The following MMP16 variants were observed in gnomAD, a reference collection of about 807,000 sequenced individuals.
MMP16 encodes matrix metallopeptidase 16.
MMP16 carries 12 observed loss-of-function variants against 67.8 expected under a neutral mutation model. The observed-to-expected ratio is 0.18, with a 90% CI of 0.11 to 0.29. The LOEUF is 0.29. Ranked by LOEUF, MMP16 falls within the 10% of genes least tolerant of loss-of-function variation. MMP16 has a pLI of 1.00. For missense variants in MMP16, 475 were observed against 765.7 expected, an observed-to-expected ratio of 0.62 and a Z score of 4.48; for synonymous variants, 249 against 255.9, an observed-to-expected ratio of 0.97 and a Z score of 0.26.
At chr8:88,104,220 C>A (rs1191568600) in intron 6 of MMP16, among the ~76,000 whole-genome samples, 4 of 151,622 alleles carry the variant, frequency 2.6e-5, no homozygotes, top group African/African-American at 9.7e-5. Flanking sequence ...CAAGATTTGT[C>A]TATCTTTTCT....
chr8:88,310,875 C>G (rs1161421862), intron 1 of MMP16, among the ~76,000 whole-genome samples: 1 of 152,088 alleles, frequency 6.6e-6, no homozygotes, highest in African/African-American at 2.4e-5. Flanking sequence ...AAGACCAAAA[C>G]TCAAAGGCAC....
intron 4 of MMP16, among the ~76,000 whole-genome samples, chr8:88,120,072 A>G (rs1002561683): frequency 5.3e-5 from 8 of 152,006 alleles, no homozygotes; most frequent in Admixed American, 1.3e-4. Context: ...TGACATTAGC[A>G]TAGCAAAAAT....
intron 1 of MMP16, among the ~76,000 whole-genome samples, chr8:88,220,949 C>T (rs2129845328): frequency 6.6e-6 from 1 of 152,232 alleles, no homozygotes; most frequent in Middle Eastern, 3.4e-3. Context: ...TTGTCTAAAA[C>T]TCATGGAAGG....
intron 7 of MMP16, among the ~76,000 whole-genome samples, chr8:88,072,850 A>G (rs1808582934): frequency 6.6e-6 from 1 of 152,148 alleles, no homozygotes; most frequent in Admixed American, 6.6e-5. Flanking sequence ...AGAAGGTACT[A>G]CTTACATAGG....
At chr8:88,090,619 GTC>G in intron 6 of MMP16, among the ~76,000 whole-genome samples, 1 of 151,374 alleles carries the variant, frequency 6.6e-6, no homozygotes, top group Non-Finnish European at 1.5e-5. Context: ...ACTAAAAATT[GTC>G]AATTCTTTGA....
At chr8:88,111,662 A>G (rs150654528) in intron 6 of MMP16, among the ~76,000 whole-genome samples, 88 of 151,846 alleles carry the variant, frequency 5.8e-4, no homozygotes, top group South Asian at 1.7e-3. Context: ...GTATGATTTG[A>G]TGCATTGTTT....
intron 4 of MMP16, among the ~76,000 whole-genome samples, chr8:88,134,430 A>G (rs1232251463): frequency 6.6e-6 from 1 of 151,742 alleles, no homozygotes; most frequent in Non-Finnish European, 1.5e-5. Context: ...CCTAGAACAG[A>G]TCTTCCCAAG....
At chr8:88,257,330 A>G (rs1810319349) in intron 1 of MMP16, among the ~76,000 whole-genome samples, 1 of 152,222 alleles carries the variant, frequency 6.6e-6, no homozygotes, top group Non-Finnish European at 1.5e-5. Context: ...TACAAGGTAG[A>G]GTAGAGTAGA....
intron 4 of MMP16, among the ~76,000 whole-genome samples, chr8:88,148,503 G>T (rs1045343885): frequency 6.6e-6 from 1 of 152,164 alleles, no homozygotes; most frequent in Admixed American, 6.5e-5. Flanking sequence ...GTGTATGTAT[G>T]TGTATCATTT....
At chr8:88,178,112 A>G (rs1808922828) in intron 3 of MMP16, among the ~76,000 whole-genome samples, 1 of 152,144 alleles carries the variant, frequency 6.6e-6, no homozygotes, top group Admixed American at 6.5e-5. Flanking sequence ...AAGGCTTATT[A>G]CCTCATTTCC....
intron 9 of MMP16, among the ~76,000 whole-genome samples, chr8:88,042,295 T>A (rs907917127): frequency 6.6e-6 from 1 of 152,154 alleles, no homozygotes; most frequent in African/African-American, 2.4e-5. Context: ...TTTCTAATCA[T>A]CTTAGTATCA....
chr8:88,316,405 A>C (rs1001239859), intron 1 of MMP16, among the ~76,000 whole-genome samples: 9 of 152,172 alleles, frequency 5.9e-5, no homozygotes, highest in Admixed American at 5.2e-4. Flanking sequence ...GCAGCTGGCA[A>C]CTTTAAGTTG....
intron 7 of MMP16, among the ~76,000 whole-genome samples, chr8:88,059,376 GTGTAGTC>G (rs1808368675): frequency 6.6e-6 from 1 of 152,060 alleles, no homozygotes; most frequent in Non-Finnish European, 1.5e-5. Flanking sequence ...AAAGAAAAAA[GTGTAGTC>G]ATAAATGACT....
At chr8:88,239,503 C>G (rs1810001371) in intron 1 of MMP16, among the ~76,000 whole-genome samples, 1 of 148,302 alleles carries the variant, frequency 6.7e-6, no homozygotes, top group Non-Finnish European at 1.5e-5. Flanking sequence ...ACCGTAAGTT[C>G]TCTGGAAATA....
At chr8:88,304,727 C>A (rs539981773) in intron 1 of MMP16, among the ~76,000 whole-genome samples, 5 of 152,182 alleles carry the variant, frequency 3.3e-5, no homozygotes, top group Non-Finnish European at 2.9e-5. Flanking sequence ...CAATAAGATT[C>A]TTTTCAGACA....
intron 7 of MMP16, chr8:88,069,540 G>A (rs769580804): frequency 5.7e-6 from 3 of 522,558 alleles, no homozygotes; most frequent in South Asian, 2.9e-5. Flanking sequence ...GGAAAGGTTT[G>A]TTTACTGTCC....
intron 1 of MMP16, among the ~76,000 whole-genome samples, chr8:88,268,500 CCAGA>C (rs1224760179): frequency 1.3e-5 from 2 of 152,086 alleles, no homozygotes; most frequent in Non-Finnish European, 2.9e-5. Flanking sequence ...TACTTTTTTC[CCAGA>C]CAGTTCTTTT....
At chr8:88,084,983 G>A (rs1003580590) in intron 6 of MMP16, among the ~76,000 whole-genome samples, 4 of 151,792 alleles carry the variant, frequency 2.6e-5, no homozygotes, top group African/African-American at 9.7e-5. Context: ...TATGTTTTGT[G>A]GCATGTAACT....
chr8:88,114,862 GCTATTGCATT>G (rs1563536077), intron 6 of MMP16, among the ~76,000 whole-genome samples: 1 of 151,910 alleles, frequency 6.6e-6, no homozygotes, highest in East Asian at 1.9e-4. Context: ...GGAAATAGCA[GCTATTGCATT>G]CTACTTGAGA....
Sources: gnomAD v4.1 joint callset for allele counts (sites outside exome capture counted in the v4.1 genomes callset) on GRCh38, gnomAD v4.1.1 for gene constraint, MANE v1.5 for transcripts, NCBI Gene and HGNC (gene_info 2026-07-23, HGNC 2026-07-21) for gene names.